UBE2E2: variants seen among roughly 807,000 people sequenced by gnomAD.
The protein encoded by UBE2E2 is ubiquitin conjugating enzyme E2 E2.
Under a neutral mutation model 24.7 loss-of-function variants are expected in UBE2E2, and 6 were observed. The ratio of observed to expected loss-of-function variants is 0.24; its 90% CI spans 0.13 to 0.48. The LOEUF (loss-of-function observed/expected upper bound fraction) is 0.48. Ranked by LOEUF, UBE2E2 falls within the 20% of genes least tolerant of loss-of-function variation. The pLI, the probability that UBE2E2 is intolerant of heterozygous loss-of-function variation, is 0.99. For synonymous variants in UBE2E2, 104 were observed against 83.6 expected, an observed-to-expected ratio of 1.24 and a Z score of -1.33; for missense variants, 169 against 245.0, an observed-to-expected ratio of 0.69 and a Z score of 2.07.
In UBE2E2 at chr3:23,565,470, T is replaced by C. The variant is rs1020694916; in HGVS notation, c.509-24264T>C. 8.1e-5 allele frequency among the ~76,000 whole-genome samples: 10 copies of C among 123,764 alleles called. No individual in the cohort carries two copies. In the East Asian group the frequency reaches 1.7e-3, roughly 21 times the overall value. The allele number at this position is 123,764 out of a possible 152,430, so 81.2% of individuals were successfully genotyped here. On this transcript the variant is annotated intron_variant, in intron 5 of 5. Coordinates refer to ENST00000396703, the MANE Select transcript of UBE2E2 (RefSeq NM_152653.4). ...TTTTTTTTTTTTTTTTTTTTTTTTT[T>C]TCAGTGAAAGAGGTTTGCAGCTGGA... is the stretch of plus-strand genomic sequence containing the variant.
chr3:23,497,142 C>T (rs1699618493), intron 3 of UBE2E2, among the ~76,000 whole-genome samples: 1 of 152,178 alleles, frequency 6.6e-6, no homozygotes, highest in Non-Finnish European at 1.5e-5. Flanking sequence ...CAGCTAACCA[C>T]AACTACAGAC....
chr3:23,253,930 C>A (rs2125348003), intron 3 of UBE2E2, among the ~76,000 whole-genome samples: 1 of 152,126 alleles, frequency 6.6e-6, no homozygotes, highest in East Asian at 1.9e-4. Flanking sequence ...TTCTTCTGAC[C>A]TCTCTCAAAT....
chr3:23,381,292 T>C (rs996032419), intron 3 of UBE2E2, among the ~76,000 whole-genome samples: 1 of 152,138 alleles, frequency 6.6e-6, no homozygotes, highest in South Asian at 2.1e-4. Context: ...TGGGAAACTG[T>C]GGTAAGAATG....
At position 23,246,366 on chromosome 3, in the gene UBE2E2, G is replaced by A. The variant is rs534415154; in HGVS notation, c.227+29054G>A. Among the ~76,000 whole-genome samples, 723 of 149,686 alleles carry A rather than the reference G, an allele frequency of 4.8e-3. 5 individuals are homozygous for A. The highest frequency in any genetic ancestry group is 0.017 in the African/African-American group (691 of 40,582). ...CTCCTGAGTAGCTGGGACTACAGGC[G>A]CCCGCCACCATGCCTGGCTAATTTT... On this transcript the variant is annotated intron_variant, in intron 3 of 5. Transcript: ENST00000396703.
intron 3 of UBE2E2, among the ~76,000 whole-genome samples, chr3:23,275,878 G>A (rs141571032): frequency 8.8e-4 from 134 of 152,006 alleles, no homozygotes; most frequent in Admixed American, 2.0e-3. Context: ...AGCAGATCCC[G>A]ATTCATTAAA....
intron 5 of UBE2E2, among the ~76,000 whole-genome samples, chr3:23,572,617 T>C (rs1696253680): frequency 6.6e-6 from 1 of 152,202 alleles, no homozygotes; most frequent in Admixed American, 6.5e-5. Flanking sequence ...CTCCCACTTA[T>C]AAGTGAGACA....
chr3:23,539,714 C>T (rs992257289), intron 5 of UBE2E2, among the ~76,000 whole-genome samples: 4 of 152,070 alleles, frequency 2.6e-5, no homozygotes, highest in East Asian at 1.9e-4. Context: ...GAGTTGTTCA[C>T]GCATCCATTT....
intron 1 of UBE2E2, among the ~76,000 whole-genome samples, chr3:23,204,143 C>T (rs1696058049): frequency 6.6e-6 from 1 of 151,750 alleles, no homozygotes; most frequent in Non-Finnish European, 1.5e-5. Context: ...CCTTCCCGCC[C>T]ACCCCACTTC....
chr3:23,499,826 A>T, intron 4 of UBE2E2, 86 bp downstream of exon 4: 1 of 1,443,296 alleles, frequency 6.9e-7, no homozygotes, highest in Non-Finnish European at 9.3e-7. Flanking sequence ...CATTCTAGGG[A>T]TGCATGTCTA....
intron 3 of UBE2E2, among the ~76,000 whole-genome samples, chr3:23,376,456 A>G (rs766388403): frequency 6.6e-6 from 1 of 152,240 alleles, no homozygotes; most frequent in African/African-American, 2.4e-5. Context: ...GATAGGTAAG[A>G]TACGTGAACC....
At position 23,357,301 on chromosome 3, in the gene UBE2E2, C is replaced by CT. The variant is rs532188732; in HGVS notation, c.227+139996dup. Among the ~76,000 whole-genome samples, 363 of 152,086 alleles carry CT rather than the reference C, an allele frequency of 2.4e-3. 2 individuals are homozygous for CT. Among genetic ancestry groups the CT allele is most frequent in the Middle Eastern group, 6.8e-3 (2 of 294 alleles). On this transcript the variant is annotated intron_variant, in intron 3 of 5. Coordinates refer to ENST00000396703, the MANE Select transcript of UBE2E2 (RefSeq NM_152653.4). The stretch of plus-strand genomic sequence containing the variant: ...ATAATGGTGTTTGTTACCGTAAGTG[C>CT]TTTTTTTAATCTACCCATTGTCTAA...
chr3:23,491,612 GT>G (rs1291891090), intron 3 of UBE2E2, among the ~76,000 whole-genome samples: 1 of 152,188 alleles, frequency 6.6e-6, no homozygotes, highest in Non-Finnish European at 1.5e-5. Flanking sequence ...GAGTAATAGA[GT>G]TGAAGGGGAG....
chr3:23,324,535 A>G (rs1406252719), intron 3 of UBE2E2, among the ~76,000 whole-genome samples: 1 of 152,104 alleles, frequency 6.6e-6, no homozygotes, highest in Non-Finnish European at 1.5e-5. Flanking sequence ...TAGCTGCAGT[A>G]CCAGAAGGTG....
chr3:23,292,165 G>A (rs1320464912), intron 3 of UBE2E2, among the ~76,000 whole-genome samples: 1 of 151,992 alleles, frequency 6.6e-6, no homozygotes, highest in Non-Finnish European at 1.5e-5. Context: ...TTTTAGTAGG[G>A]ATGGGGTTTT....
At chr3:23,529,383 A>G (rs1237673901) in intron 4 of UBE2E2, among the ~76,000 whole-genome samples, 1 of 152,200 alleles carries the variant, frequency 6.6e-6, no homozygotes, top group Non-Finnish European at 1.5e-5. Context: ...CATTGGGGAA[A>G]ATTGAGTGAA....
intron 5 of UBE2E2, among the ~76,000 whole-genome samples, chr3:23,580,303 C>T (rs1696446143): frequency 6.6e-6 from 1 of 152,180 alleles, no homozygotes; most frequent in Non-Finnish European, 1.5e-5. Flanking sequence ...ATGCGGCAAA[C>T]TGTATTGTTG....
chr3:23,287,934 C>T (rs915645136), intron 3 of UBE2E2, among the ~76,000 whole-genome samples: 2 of 151,702 alleles, frequency 1.3e-5, no homozygotes, highest in African/African-American at 4.8e-5. Flanking sequence ...TTTATTTCTG[C>T]TCTGATCTTT....
Position 23,417,747 on chromosome 3 carries a change from C to T in UBE2E2, c.228-81861C>T, listed in dbSNP as rs189371218. Among the ~76,000 whole-genome samples the T allele has an allele frequency of 6.6e-4, 100 of 152,336 alleles. 5 individuals are homozygous for T. In the East Asian group the frequency reaches 0.016, roughly 24 times the overall value. On this transcript the variant is annotated intron_variant, in intron 3 of 5. Coordinates refer to ENST00000396703, the MANE Select transcript of UBE2E2 (RefSeq NM_152653.4). ...GGCTGCTGCCTTTCTTTCAGAGATG[C>T]CCTGCCCCAGAAAGGAGGAATCTTG...
rs73035688 is a variant in UBE2E2, at chr3:23,250,130, G to C, written c.227+32818G>C. Among the ~76,000 whole-genome samples the C allele has an allele frequency of 4.5e-3, 681 of 152,196 alleles. 2 individuals are homozygous for C. The highest frequency in any genetic ancestry group is 7.2e-3 in the Non-Finnish European group (489 of 68,002). On this transcript the variant is annotated intron_variant, in intron 3 of 5. Coordinates refer to ENST00000396703, the MANE Select transcript of UBE2E2 (RefSeq NM_152653.4). ...TTCTCAGTAACTCTGAGTAAGGACT[G>C]TTGTTACCACAACCTTGCAGGTGAG...
Sources: gnomAD v4.1 joint callset for allele counts (sites outside exome capture counted in the v4.1 genomes callset) on GRCh38, gnomAD v4.1.1 for gene constraint, MANE v1.5 for transcripts, NCBI Gene and HGNC (gene_info 2026-07-23, HGNC 2026-07-21) for gene names.